WDR81: variants seen among roughly 807,000 people sequenced by gnomAD.
WDR81 encodes the protein WD repeat-containing protein 81.
A neutral mutation model predicts 140.8 loss-of-function variants in WDR81; 92 were observed. The ratio of observed to expected loss-of-function variants is 0.65; its 90% CI spans 0.55 to 0.78. The LOEUF (loss-of-function observed/expected upper bound fraction) is 0.78. Among genes scored for constraint, WDR81 ranks in the 30% least tolerant of loss-of-function variants. The probability of loss-of-function intolerance (pLI) is 0.00; values close to 1 mark genes in which losing one functional copy is unlikely to be tolerated. For synonymous variants in WDR81, 1,183 were observed against 1,156.4 expected (o/e 1.02, Z -0.47); for missense variants, 2,502 against 2,636.4 (o/e 0.95, Z 1.12).
At chr17:1,723,457 TTTTATTTATTTA>T (rs60273826), upstream of WDR81, among the ~76,000 whole-genome samples, 339 of 130,546 alleles carry the variant, frequency 2.6e-3, 1 homozygote, top group Middle Eastern at 3.9e-3. Flanking sequence ...ATTTATTTAT[TTTTATTTATTTA>T]TTTATTTATT....
Position 1,726,330 on chromosome 17 carries a change from CA to C in WDR81, c.1372del (p.Thr458ArgfsTer68). Reference protein sequence around the residue: ...ITYYVYKARRTPRSVLCGHVR... With the variant: ...ITYYVYKARRXPRSVLCGHVR... ...CGTACTATGTGTACAAGGCTCGGCG[CA>C]CGCCTCGGTCGGTGCTCTGCGGACA... On this transcript the variant is annotated frameshift_variant, in exon 1 of 10. Coordinates refer to ENST00000409644, the MANE Select transcript of WDR81 (RefSeq NM_001163809.2). LOFTEE classifies it high-confidence loss of function. 1 of 1,544,190 alleles carries C rather than the reference CA, an allele frequency of 6.5e-7. No individual in the cohort carries two copies. The highest frequency in any genetic ancestry group is 2.5e-5 in the East Asian group (1 of 40,778).
At chr17:1,734,886 T>C (rs1231288419) in intron 7 of WDR81, among the ~76,000 whole-genome samples, 2 of 151,786 alleles carry the variant, frequency 1.3e-5, no homozygotes, top group Non-Finnish European at 2.9e-5. Flanking sequence ...GGGAGAAATA[T>C]GGTTAAAAGG....
chr17:1,736,325 C>A, intron 9 of WDR81, 107 bp downstream of exon 9: 1 of 1,322,794 alleles, frequency 7.6e-7, no homozygotes, highest in Non-Finnish European at 1.0e-6. Flanking sequence ...ACTGGTCTGT[C>A]TTATATACCT....
rs1332416017 is a variant in WDR81 at position 1,737,413 on chromosome 17, AC to A, written c.5556del (p.Val1853SerfsTer114). The A allele has an allele frequency of 6.2e-7, 1 of 1,612,644 alleles. No homozygotes were observed. Among genetic ancestry groups the A allele is most frequent in the African/African-American group, 1.3e-5 (1 of 74,868 alleles). ...CAGCTCCTCCTCTGACCATTCCTTG[AC>A]CGTCTGGAAGGAGCTGGAGCAGAAG... Reference protein sequence around the residue: ...LVSSSSDHSLTVWKELEQKPT... With the variant: ...LVSSSSDHSLXVWKELEQKPT... On this transcript the variant is annotated frameshift_variant, in exon 10 of 10. Transcript: ENST00000409644. LOFTEE classifies it high-confidence loss of function.
rs899342449 is a variant in WDR81 at position 1,735,840 on chromosome 17, T to A, written c.5325+123T>A. 25 of 1,419,454 alleles carry A rather than the reference T, an allele frequency of 1.8e-5. No individual in the cohort carries two copies. The highest frequency in any genetic ancestry group is 2.2e-5 in the Non-Finnish European group (23 of 1,059,456). 87.9% of individuals were successfully genotyped at this position (1,419,454 alleles called of 1,614,324 possible). ...GGGGCCCTAGTTAGTTTCTCTTTGG[T>A]GCTAGATCACCCACAGCCACACATC... On this transcript the variant is annotated intron_variant, in intron 8 of 9. Coordinates refer to ENST00000409644, the MANE Select transcript of WDR81 (RefSeq NM_001163809.2). The surrounding 1 kb of genome is among the most constrained non-coding windows in gnomAD (Gnocchi z 4.2).
upstream of WDR81, among the ~76,000 whole-genome samples, chr17:1,723,451 A>ATT (rs1228728619): frequency 3.8e-3 from 467 of 121,470 alleles, 4 homozygotes; most frequent in African/African-American, 0.012. Context: ...ATTTTTATTT[A>ATT]TTTATTTTTA....
In WDR81 at chr17:1,733,399, CAG is replaced by C. The variant is rs60941504; in HGVS notation, c.4490-125_4490-124del. ...TGAGGAGGAAACTGAGGCTCAGAGA[CAG>C]AGTTACTTGCCCAGAGTTGCAGAGC... On this transcript the variant is annotated intron_variant, in intron 6 of 9. Transcript: ENST00000409644. 1.2e-3 allele frequency: 1,099 copies of C among 894,132 alleles called. 9 individuals are homozygous for C. In the African/African-American group the frequency reaches 0.016, roughly 13 times the overall value. 55.4% of individuals were successfully genotyped at this position (894,132 alleles called of 1,614,324 possible). A position where few individuals can be genotyped will look rare whatever the true frequency, so the allele number is the denominator to read the frequency against.
chr17:1,723,438 T>A (rs1331604775), upstream of WDR81, among the ~76,000 whole-genome samples: 1 of 137,316 alleles, frequency 7.3e-6, no homozygotes, highest in East Asian at 2.0e-4. Flanking sequence ...TTTATTTGGT[T>A]TTATTTTTAT....
Position 1,733,614 on chromosome 17 carries a change from G to A in WDR81, c.4577G>A (p.Arg1526His), listed in dbSNP as rs1029978762. 1.0e-5 allele frequency: 16 copies of A among 1,587,720 alleles called. No homozygotes were observed. Among genetic ancestry groups the A allele is most frequent in the African/African-American group, 2.7e-5 (2 of 74,240 alleles). The change falls in exon 7 of 10, where the codon CGC (arginine) becomes CAC (histidine). Residue 1526 changes from arginine to histidine, a missense_variant. Arg to His is a conservative substitution (Grantham distance 29). Coordinates refer to ENST00000409644, the MANE Select transcript of WDR81 (RefSeq NM_001163809.2). ...TTGGAGAGCATCAGCCCCAGCAGTC[G>A]CAACCCTGCCAGCGTGGAGCCCACC... The part of the protein sequence containing the change: ...LYLESISPSS[R>H]NPASVEPTMP...
chr17:1,737,969 T>A lies in WDR81; in HGVS notation c.*284T>A. The A allele has an allele frequency of 1.9e-6, 1 of 531,866 alleles. No homozygotes were observed. The highest frequency in any genetic ancestry group is 3.4e-6 in the Non-Finnish European group (1 of 297,496). The allele number at this position is 531,866 out of a possible 1,614,324, so 32.9% of individuals were successfully genotyped here. A position where few individuals can be genotyped will look rare whatever the true frequency, so the allele number is the denominator to read the frequency against. ...CAGGAGGAAGCGTTGCTACCTTCAC[T>A]TCTCCCCAGCTCTGCCCTCTGGGTC... On this transcript the variant is annotated 3_prime_UTR_variant, in exon 10 of 10. Coordinates refer to ENST00000409644, the MANE Select transcript of WDR81 (RefSeq NM_001163809.2).
intron 1 of WDR81, among the ~76,000 whole-genome samples, chr17:1,729,905 G>C (rs1375609705): frequency 2.6e-5 from 4 of 151,662 alleles, no homozygotes; most frequent in Non-Finnish European, 5.9e-5. Flanking sequence ...AAGGAGGAGA[G>C]TCAGGGCGGT....
Position 1,737,242 on chromosome 17 carries a change from T to C in WDR81, c.5506-123T>C. On this transcript the variant is annotated intron_variant, in intron 9 of 9. Transcript: ENST00000409644. ...GTGTGTGTGGGAGGGTGGCGGCTTG[T>C]CACCCACCCAGGACGGCCTGTCTCC... The C allele has an allele frequency of 2.2e-6, 2 of 924,658 alleles. 1 individual carries two copies. The highest frequency in any genetic ancestry group is 3.5e-5 in the South Asian group (2 of 57,044). The allele number at this position is 924,658 out of a possible 1,614,324, so 57.3% of individuals were successfully genotyped here.
At chr17:1,716,618 G>A in exon 1 of WDR81, 1 of 1,551,478 alleles carries the variant, frequency 6.4e-7, no homozygotes, top group Non-Finnish European at 8.7e-7. Context: ...GTCGTTCCCA[G>A]AACCCAGCGC....
In WDR81 at chr17:1,725,337, G is replaced by C; in HGVS notation, c.378G>C (p.Glu126Asp). ...CTCTGGGCGGGGGCCTGCCCTTTGAGGACGGGTCCTGCGGCCCTGAGACCC... is the reference window on the plus strand; with the variant it reads ...CTCTGGGCGGGGGCCTGCCCTTTGACGACGGGTCCTGCGGCCCTGAGACCC... Reference protein sequence around the residue: ...SYPLGGGLPFEDGSCGPETLT... With the variant: ...SYPLGGGLPFDDGSCGPETLT... The change falls in exon 1 of 10, where the codon GAG (glutamate) becomes GAC (aspartate). Residue 126 changes from glutamate (E) to aspartate (D), a missense_variant. Glu to Asp is a conservative substitution (Grantham distance 45, BLOSUM62 2). Transcript: ENST00000409644. The C allele has an allele frequency of 6.5e-7, 1 of 1,549,092 alleles. No individual in the cohort carries two copies. The highest frequency in any genetic ancestry group is 8.7e-7 in the Non-Finnish European group (1 of 1,146,964).
rs1904601658 is a variant in WDR81 at position 1,733,861 on chromosome 17, G to C, written c.4824G>C (p.Arg1608=). The part of the protein sequence containing the change: ...DDNALKQELP[R]SVHGLSGNWL... ...ACGCCCTGAAGCAGGAGCTGCCGCGGAGCGTGCACGGGCTGAGCGGAAACT... is the reference window on the plus strand; with the variant it reads ...ACGCCCTGAAGCAGGAGCTGCCGCGCAGCGTGCACGGGCTGAGCGGAAACT... Residue 1608 remains arginine (R), a synonymous_variant, in exon 7 of 10, where the codon CGG becomes CGC. Transcript: ENST00000409644. 6.2e-7 allele frequency: 1 copy of C among 1,612,812 alleles called. No homozygotes were observed. Among genetic ancestry groups the C allele is most frequent in the South Asian group, 1.1e-5 (1 of 91,086 alleles).
At chr17:1,721,061 T>A (rs1273002287), upstream of WDR81, among the ~76,000 whole-genome samples, 1 of 152,134 alleles carries the variant, frequency 6.6e-6, no homozygotes, top group Non-Finnish European at 1.5e-5. Context: ...AAAGAACAGG[T>A]GGACCCAGCC....
At chr17:1,730,652 G>T (rs1915631613) in intron 2 of WDR81, 103 bp from the exon 3 acceptor site, 1 of 1,454,764 alleles carries the variant, frequency 6.9e-7, no homozygotes, top group Non-Finnish European at 9.1e-7. Context: ...GCCAGGCTGG[G>T]CCCCCAGCTA....
Position 1,735,531 on chromosome 17 carries a change from AG to A in WDR81, c.5180-40del, listed in dbSNP as rs771823240. 3.9e-5 allele frequency: 60 copies of A among 1,542,634 alleles called. No homozygotes were observed. The highest frequency in any genetic ancestry group is 4.7e-5 in the Non-Finnish European group (54 of 1,142,088). Reference sequence around the variant, plus strand: ...TAGAAGCTCCCAGGGCTCTTCCGTCAGCTGCTGGGACCCCAGATCCACTGTG... The same window carrying A: ...TAGAAGCTCCCAGGGCTCTTCCGTCACTGCTGGGACCCCAGATCCACTGTG... On this transcript the variant is annotated intron_variant, in intron 7 of 9. Coordinates refer to ENST00000409644, the MANE Select transcript of WDR81 (RefSeq NM_001163809.2). This position sits in a 1 kb window ranked among gnomAD's most constrained non-coding sequence, Gnocchi z 4.2.
upstream of WDR81, among the ~76,000 whole-genome samples, chr17:1,720,900 G>C (rs1914829419): frequency 6.6e-6 from 1 of 152,010 alleles, no homozygotes; most frequent in South Asian, 2.1e-4. Context: ...CTCTATTCTC[G>C]GGAGGAAAGG....
Sources: gnomAD v4.1 joint callset for allele counts (sites outside exome capture counted in the v4.1 genomes callset) on GRCh38, gnomAD v4.1.1 for gene constraint, Gnocchi (gnomAD v3.1) non-coding constraint, MANE v1.5 for transcripts, NCBI Gene and HGNC (gene_info 2026-07-23, HGNC 2026-07-21) for gene names.